Variants in UST observed in about 807,000 individuals in gnomAD.
UST encodes the protein chondroitin sulfate 2-O-sulfotransferase.
In UST, 21 loss-of-function variants were observed where a neutral mutation model predicts 45.6. The ratio of observed to expected loss-of-function variants is 0.46; its 90% CI spans 0.33 to 0.66. The LOEUF is 0.66. Ranked by LOEUF, UST falls within the 30% of genes least tolerant of loss-of-function variation. UST has a pLI of 0.02. For missense variants in UST, 463 were observed against 512.4 expected (o/e 0.90, Z 0.93); for synonymous variants, 215 against 200.6 (o/e 1.07, Z -0.61).
At chr6:148,749,307 G>A (rs1175028553) in intron 1 of UST, among the ~76,000 whole-genome samples, 2 of 152,184 alleles carry the variant, frequency 1.3e-5, no homozygotes, top group Non-Finnish European at 2.9e-5. Context: ...ATCACCAGCA[G>A]CAATCCCTGT....
At chr6:149,050,574 T>C (rs1448916189) in intron 7 of UST, among the ~76,000 whole-genome samples, 1 of 152,226 alleles carries the variant, frequency 6.6e-6, no homozygotes, top group Non-Finnish European at 1.5e-5. Flanking sequence ...GGATCCTTTC[T>C]GAGAGGTAAA....
chr6:148,872,299 G>T (rs907864684), intron 1 of UST, among the ~76,000 whole-genome samples: 4 of 152,188 alleles, frequency 2.6e-5, no homozygotes, highest in Admixed American at 2.0e-4. Flanking sequence ...TGAGATGATG[G>T]TGTCTATATG....
chr6:148,924,920 C>A (rs564094030), intron 2 of UST, among the ~76,000 whole-genome samples: 1 of 152,124 alleles, frequency 6.6e-6, no homozygotes, highest in African/African-American at 2.4e-5. Flanking sequence ...CGTGACTATG[C>A]CTGCTTGATT....
chr6:148,775,643 G>GGGA (rs111924236), intron 1 of UST, among the ~76,000 whole-genome samples: 2 of 150,626 alleles, frequency 1.3e-5, no homozygotes, highest in African/African-American at 4.9e-5. Context: ...TTTTTTTGGG[G>GGGA]CGGGGAGAGA....
intron 2 of UST, among the ~76,000 whole-genome samples, chr6:148,906,583 T>C (rs1779365189): frequency 6.6e-6 from 1 of 152,226 alleles, no homozygotes; most frequent in Admixed American, 6.5e-5. Flanking sequence ...ATTAGGTTGG[T>C]GCAAAAGTGA....
chr6:148,940,419 G>A (rs1031617251), intron 2 of UST, among the ~76,000 whole-genome samples: 3 of 152,074 alleles, frequency 2.0e-5, no homozygotes, highest in Admixed American at 6.5e-5. Context: ...GCATGAGCCC[G>A]GGAGACGGAG....
chr6:148,789,817 C>T (rs547989767), intron 1 of UST, among the ~76,000 whole-genome samples: 2 of 152,128 alleles, frequency 1.3e-5, no homozygotes, highest in South Asian at 4.2e-4. Context: ...AGGCTGGTCT[C>T]GAACTCCTGA....
At chr6:148,822,673 C>A (rs1369726852) in intron 1 of UST, among the ~76,000 whole-genome samples, 2 of 152,082 alleles carry the variant, frequency 1.3e-5, no homozygotes, top group East Asian at 3.8e-4. Context: ...GAGTAATTTG[C>A]CATTTCTTCA....
intron 1 of UST, among the ~76,000 whole-genome samples, chr6:148,813,051 T>TAC (rs2114732545): frequency 6.6e-6 from 1 of 152,380 alleles, no homozygotes; most frequent in East Asian, 1.9e-4. Context: ...CATGTATATA[T>TAC]ACACACATGT....
chr6:149,053,414 A>AAT (rs1437519722), intron 7 of UST, among the ~76,000 whole-genome samples: 1 of 152,240 alleles, frequency 6.6e-6, no homozygotes, highest in East Asian at 1.9e-4. Flanking sequence ...TGTGAATATC[A>AAT]ATAAGTTTGA....
chr6:149,018,709 G>A (rs1254907287), intron 5 of UST, among the ~76,000 whole-genome samples: 1 of 152,124 alleles, frequency 6.6e-6, no homozygotes, highest in Non-Finnish European at 1.5e-5. Context: ...ACTATTGTAG[G>A]TACTTAGTTG....
chr6:149,008,780 C>T (rs1340277445), intron 5 of UST, among the ~76,000 whole-genome samples: 2 of 152,184 alleles, frequency 1.3e-5, no homozygotes, highest in Non-Finnish European at 2.9e-5. Flanking sequence ...ACCCAGCAGC[C>T]GTCTATTGGG....
intron 1 of UST, among the ~76,000 whole-genome samples, chr6:148,871,109 A>G (rs1269712289): frequency 8.9e-5 from 1 of 11,180 alleles, no homozygotes; most frequent in East Asian, 3.5e-3. Context: ...ACAGCCAAGC[A>G]TTCTCTCCCT....
At chr6:148,851,469 AAAAGGGACCATTAGCATTTTAAATACC>A (rs1778104086) in intron 1 of UST, among the ~76,000 whole-genome samples, 1 of 152,196 alleles carries the variant, frequency 6.6e-6, no homozygotes, top group Non-Finnish European at 1.5e-5. Flanking sequence ...TTATTTACTA[AAAAGGGACCATTAGCATTTTAAATACC>A]TTTTCATGCA....
chr6:149,040,274 C>A (rs903286971), intron 7 of UST, among the ~76,000 whole-genome samples: 1 of 152,154 alleles, frequency 6.6e-6, no homozygotes, highest in Admixed American at 6.5e-5. Context: ...CTCATTCTTT[C>A]TTTCTAGTAT....
intron 3 of UST, among the ~76,000 whole-genome samples, chr6:148,943,043 T>C (rs1780160317): frequency 6.6e-6 from 1 of 152,208 alleles, no homozygotes; most frequent in Non-Finnish European, 1.5e-5. Context: ...CAGGTTCTCT[T>C]TGATTACCTT....
At chr6:149,019,051 CA>C (rs1775944168) in intron 5 of UST, 87 bp from the exon 6 acceptor site, 1 of 1,012,998 alleles carries the variant, frequency 9.9e-7, no homozygotes, top group Non-Finnish European at 1.6e-6. Flanking sequence ...CTGTGTAATT[CA>C]ATCATGAATT....
chr6:148,788,672 A>G (rs892951277), intron 1 of UST, among the ~76,000 whole-genome samples: 17 of 152,240 alleles, frequency 1.1e-4, no homozygotes, highest in Admixed American at 2.0e-4. Flanking sequence ...CTCTTAAAAA[A>G]AAGATAAAAT....
chr6:148,950,206 C>T (rs1202442231), intron 3 of UST, among the ~76,000 whole-genome samples: 2 of 152,178 alleles, frequency 1.3e-5, no homozygotes, highest in African/African-American at 4.8e-5. Context: ...CCCAGAGTTC[C>T]TTCTAATTCA....
Sources: allele counts gnomAD v4.1 joint callset (sites outside exome capture counted in the v4.1 genomes callset), GRCh38; gene constraint gnomAD v4.1.1; transcripts MANE v1.5; gene names NCBI Gene and HGNC (gene_info 2026-07-23, HGNC 2026-07-21).